LRRC4C: variants seen among roughly 807,000 people sequenced by gnomAD.
LRRC4C encodes the protein leucine-rich repeat-containing protein 4C.
LRRC4C carries 5 observed loss-of-function variants against 33.6 expected under a neutral mutation model. The observed-to-expected ratio is 0.15, with a 90% CI of 0.08 to 0.31. LRRC4C has a LOEUF of 0.31. Ranked by LOEUF, LRRC4C falls within the 10% of genes least tolerant of loss-of-function variation. LRRC4C has a pLI of 1.00. For synonymous variants in LRRC4C, 329 were observed against 302.0 expected, an observed-to-expected ratio of 1.09 and a Z score of -0.93; for missense variants, 560 against 796.7, an observed-to-expected ratio of 0.70 and a Z score of 3.58.
At chr11:40,173,208 A>G (rs1466946342) in intron 5 of LRRC4C, among the ~76,000 whole-genome samples, 3 of 152,188 alleles carry the variant, frequency 2.0e-5, no homozygotes, top group Non-Finnish European at 2.9e-5. Context: ...AAACTCACCT[A>G]GTTTGTGGCA....
chr11:41,020,560 T>C (rs1014275316), intron 1 of LRRC4C, among the ~76,000 whole-genome samples: 16 of 152,058 alleles, frequency 1.1e-4, no homozygotes, highest in South Asian at 2.1e-4. Flanking sequence ...ATTGAGGTCA[T>C]GCAGCTGCAA....
chr11:40,846,473 G>C (rs1177950697), intron 2 of LRRC4C, among the ~76,000 whole-genome samples: 1 of 152,040 alleles, frequency 6.6e-6, no homozygotes, highest in Non-Finnish European at 1.5e-5. Flanking sequence ...AGTTTGTCAA[G>C]GATCAGATGG....
chr11:40,324,832 A>G (rs1946020466), intron 3 of LRRC4C, among the ~76,000 whole-genome samples: 1 of 152,306 alleles, frequency 6.6e-6, no homozygotes, highest in African/African-American at 2.4e-5. Context: ...TAAGCTTTGG[A>G]TTGGGGATTC....
intron 2 of LRRC4C, among the ~76,000 whole-genome samples, chr11:40,898,914 C>T (rs966348733): frequency 3.9e-5 from 6 of 152,038 alleles, no homozygotes; most frequent in African/African-American, 1.2e-4. Context: ...GCAGAAGATT[C>T]CCGAAAGAAC....
At chr11:41,141,866 G>T (rs1175540457) in intron 1 of LRRC4C, among the ~76,000 whole-genome samples, 3 of 151,990 alleles carry the variant, frequency 2.0e-5, no homozygotes, top group Non-Finnish European at 2.9e-5. Flanking sequence ...TATGCTATTG[G>T]TGAGTGAACT....
intron 3 of LRRC4C, among the ~76,000 whole-genome samples, chr11:40,453,412 CT>C (rs1466303155): frequency 6.6e-6 from 1 of 152,060 alleles, no homozygotes; most frequent in Non-Finnish European, 1.5e-5. Flanking sequence ...CATTTTAAAA[CT>C]TCCCGTGAAG....
At position 41,457,313 on chromosome 11, in the gene LRRC4C, A is replaced by G. The variant is rs1006994930; in HGVS notation, c.-496+2118T>C. ...TCTCTCTATTCAGAACAGTCCTAAC[A>G]CTAAATAGATGACCTAAAATGCTGT... is the stretch of plus-strand genomic sequence containing the variant. On this transcript the variant is annotated intron_variant, in intron 1 of 6. Coordinates refer to ENST00000528697, the MANE Select transcript of LRRC4C (RefSeq NM_001258419.2). Among the ~76,000 whole-genome samples, 6 of 152,258 alleles carry G rather than the reference A, an allele frequency of 3.9e-5. 1 individual carries two copies. Among genetic ancestry groups the G allele is most frequent in the Admixed American group, 6.5e-5 (1 of 15,282 alleles).
At chr11:40,356,981 A>C (rs1232773249) in intron 3 of LRRC4C, among the ~76,000 whole-genome samples, 2 of 152,208 alleles carry the variant, frequency 1.3e-5, no homozygotes, top group Non-Finnish European at 2.9e-5. Context: ...TCAAGGTCAC[A>C]AAGCTGCCAT....
intron 3 of LRRC4C, among the ~76,000 whole-genome samples, chr11:40,636,677 A>G (rs1941769186): frequency 6.6e-6 from 1 of 152,180 alleles, no homozygotes; most frequent in Non-Finnish European, 1.5e-5. Context: ...TATAGTATAT[A>G]ACATGTAACC....
chr11:40,373,013 C>CTA (rs1948517178), intron 3 of LRRC4C, among the ~76,000 whole-genome samples: 1 of 152,052 alleles, frequency 6.6e-6, no homozygotes, highest in African/African-American at 2.4e-5. Context: ...CGGAGAATTA[C>CTA]TATGTCTGGT....
At chr11:40,565,199 G>A (rs553441473) in intron 3 of LRRC4C, among the ~76,000 whole-genome samples, 24 of 152,244 alleles carry the variant, frequency 1.6e-4, no homozygotes, top group Non-Finnish European at 2.5e-4. Context: ...CCCAGCAACC[G>A]TGGAGAAATT....
intron 2 of LRRC4C, among the ~76,000 whole-genome samples, chr11:40,687,020 T>C (rs1326340913): frequency 6.6e-6 from 1 of 152,098 alleles, no homozygotes; most frequent in African/African-American, 2.4e-5. Context: ...GGGCAATTGG[T>C]ACCCACATTA....
intron 1 of LRRC4C, among the ~76,000 whole-genome samples, chr11:41,102,494 A>G (rs923325944): frequency 1.3e-5 from 2 of 152,034 alleles, no homozygotes; most frequent in Non-Finnish European, 2.9e-5. Flanking sequence ...ATTCTCTCCA[A>G]TAAAAACCAC....
At chr11:40,796,709 C>T (rs1365801706) in intron 2 of LRRC4C, among the ~76,000 whole-genome samples, 6 of 140,132 alleles carry the variant, frequency 4.3e-5, no homozygotes, top group African/African-American at 1.4e-4. Context: ...TGCAATGGTG[C>T]GACCTTGGCT....
intron 1 of LRRC4C, among the ~76,000 whole-genome samples, chr11:41,055,760 G>A (rs1858574649): frequency 6.6e-6 from 1 of 152,054 alleles, no homozygotes; most frequent in Admixed American, 6.5e-5. Flanking sequence ...CTACAGTAAA[G>A]AATAGAAGAT....
chr11:40,322,075 G>T (rs891033645), intron 3 of LRRC4C, among the ~76,000 whole-genome samples: 2 of 152,018 alleles, frequency 1.3e-5, no homozygotes, highest in African/African-American at 4.8e-5. Flanking sequence ...GGGGCTGGAA[G>T]GGACTCACCA....
chr11:40,659,691 C>T (rs1472985210), intron 2 of LRRC4C, among the ~76,000 whole-genome samples: 1 of 152,150 alleles, frequency 6.6e-6, no homozygotes, highest in East Asian at 1.9e-4. Flanking sequence ...CCCACTACAG[C>T]TCTCCTCTCC....
intron 2 of LRRC4C, among the ~76,000 whole-genome samples, chr11:40,905,229 T>G (rs570008785): frequency 6.6e-6 from 1 of 152,214 alleles, no homozygotes; most frequent in East Asian, 1.9e-4. Flanking sequence ...CTACTTAATT[T>G]CAACCAGGAA....
At chr11:40,813,427 A>G (rs1295833263) in intron 2 of LRRC4C, among the ~76,000 whole-genome samples, 2 of 152,114 alleles carry the variant, frequency 1.3e-5, no homozygotes, top group Non-Finnish European at 1.5e-5. Flanking sequence ...CTTATTAATT[A>G]TTACAGTAAC....
Sources: allele counts gnomAD v4.1 joint callset (sites outside exome capture counted in the v4.1 genomes callset), GRCh38; gene constraint gnomAD v4.1.1; transcripts MANE v1.5; gene names NCBI Gene and HGNC (gene_info 2026-07-23, HGNC 2026-07-21).